The following HSPBAP1 variants were observed in gnomAD, a reference collection of about 807,000 sequenced individuals.
HSPBAP1 encodes HSPB1-associated protein 1.
HSPBAP1 carries 27 observed loss-of-function variants against 45.2 expected under a neutral mutation model. The observed-to-expected ratio is 0.60, with a 90% confidence interval of 0.44 to 0.82. HSPBAP1 has a LOEUF of 0.82. HSPBAP1 is among the 40% of genes least tolerant of loss of function. HSPBAP1 has a pLI of 0.00. For missense variants in HSPBAP1, 510 were observed against 590.9 expected, an observed-to-expected ratio of 0.86 and a Z score of 1.42; for synonymous variants, 204 against 202.7, an observed-to-expected ratio of 1.01 and a Z score of -0.06.
chr3:122,779,066 G>A (rs893682088), intron 1 of HSPBAP1, among the ~76,000 whole-genome samples: 9 of 149,848 alleles, frequency 6.0e-5, no homozygotes, highest in African/African-American at 2.0e-4. Context: ...ACAGAGTCTC[G>A]CTCTGTCGCT....
At chr3:122,759,801 C>G (rs758847371) in intron 3 of HSPBAP1, among the ~76,000 whole-genome samples, 2 of 152,192 alleles carry the variant, frequency 1.3e-5, no homozygotes, top group African/African-American at 2.4e-5. Context: ...CTCTGAGACA[C>G]AACCGAAGAA....
chr3:122,782,164 C>T (rs984007911), intron 1 of HSPBAP1, among the ~76,000 whole-genome samples: 2 of 152,182 alleles, frequency 1.3e-5, no homozygotes, highest in East Asian at 3.8e-4. Flanking sequence ...TCTTGAACAA[C>T]TAGAGTTGCT....
chr3:122,757,639 T>C (rs1039875090), intron 4 of HSPBAP1, among the ~76,000 whole-genome samples: 5 of 152,210 alleles, frequency 3.3e-5, no homozygotes, highest in African/African-American at 1.2e-4. Context: ...CCTCTGTACC[T>C]ACTGTAACAC....
chr3:122,788,096 T>C (rs1935710638), intron 1 of HSPBAP1, among the ~76,000 whole-genome samples: 1 of 152,148 alleles, frequency 6.6e-6, no homozygotes, highest in Admixed American at 6.5e-5. Flanking sequence ...ACACAGGAAG[T>C]TCAGGCTGGG....
chr3:122,753,046 C>T (rs75135311), intron 5 of HSPBAP1: 66,444 of 924,116 alleles, frequency 0.072, 2,491 homozygotes, highest in Middle Eastern at 0.087. Flanking sequence ...GACGTGGCTT[C>T]TGTTTTCTCA....
intron 1 of HSPBAP1, among the ~76,000 whole-genome samples, chr3:122,791,280 A>C (rs777331659): frequency 6.6e-6 from 1 of 152,204 alleles, no homozygotes; most frequent in Non-Finnish European, 1.5e-5. Context: ...CTACTGTCTT[A>C]ATGTCTAGAT....
intron 1 of HSPBAP1, among the ~76,000 whole-genome samples, chr3:122,778,338 T>C (rs1484574311): frequency 6.6e-6 from 1 of 151,426 alleles, no homozygotes; most frequent in Non-Finnish European, 1.5e-5. Context: ...ACACATTAAA[T>C]ACAATTTGGA....
chr3:122,780,394 C>A (rs1935393810), intron 1 of HSPBAP1, among the ~76,000 whole-genome samples: 2 of 127,978 alleles, frequency 1.6e-5, no homozygotes, highest in Non-Finnish European at 3.4e-5. Flanking sequence ...GACCCCCCAC[C>A]TCCCTCCTGG....
intron 1 of HSPBAP1, among the ~76,000 whole-genome samples, chr3:122,783,214 C>G (rs1935549162): frequency 6.6e-6 from 1 of 152,164 alleles, no homozygotes; most frequent in Non-Finnish European, 1.5e-5. Flanking sequence ...ACCAAGAATA[C>G]AATTTTCTGT....
intron 3 of HSPBAP1, among the ~76,000 whole-genome samples, chr3:122,762,627 C>T (rs1934636925): frequency 6.6e-6 from 1 of 152,118 alleles, no homozygotes; most frequent in African/African-American, 2.4e-5. Flanking sequence ...TACTATTTGA[C>T]TTATGGATTA....
At chr3:122,751,065 A>T (rs75188293) in intron 6 of HSPBAP1, among the ~76,000 whole-genome samples, 2,594 of 152,320 alleles carry the variant, frequency 0.017, 35 homozygotes, top group Non-Finnish European at 0.025. Flanking sequence ...GAGATTACTT[A>T]AAAAACTAAC....
At chr3:122,755,113 G>A in intron 5 of HSPBAP1, 147 bp downstream of exon 5, 2 of 1,219,172 alleles carry the variant, frequency 1.6e-6, no homozygotes, top group Non-Finnish European at 2.1e-6. Flanking sequence ...TACAACTGGG[G>A]AAGCTACCTT....
rs56210865 is a variant in HSPBAP1, at chr3:122,755,437, T to TAAAA, written c.570-10_570-7dup. On this transcript the variant is annotated splice_polypyrimidine_tract_variant and splice_region_variant and intron_variant, in intron 4 of 7. Coordinates refer to ENST00000306103, the MANE Select transcript of HSPBAP1 (RefSeq NM_024610.6). ...GAAAGAGATGCCATCGTTTCCTAATTAAAAAAAAAAAAAAAAGATACAAGT... is the reference window on the plus strand; with the variant it reads ...GAAAGAGATGCCATCGTTTCCTAATTAAAAAAAAAAAAAAAAAAAAGATACAAGT... 47,639 of 1,167,602 alleles carry TAAAA rather than the reference T, an allele frequency of 0.041. 678 individuals are homozygous for TAAAA. The highest frequency in any genetic ancestry group is 0.13 in the African/African-American group (7,426 of 57,614). The allele number at this position is 1,167,602 out of a possible 1,614,324, so 72.3% of individuals were successfully genotyped here. A position where few individuals can be genotyped will look rare whatever the true frequency, so the allele number is the denominator to read the frequency against.
At chr3:122,770,931 A>G (rs1229651006) in intron 2 of HSPBAP1, among the ~76,000 whole-genome samples, 1 of 152,352 alleles carries the variant, frequency 6.6e-6, no homozygotes, top group African/African-American at 2.4e-5. Flanking sequence ...ATTCAGTCCA[A>G]CTGAATACTA....
chr3:122,774,632 G>A (rs1335273444), intron 2 of HSPBAP1, among the ~76,000 whole-genome samples: 1 of 152,198 alleles, frequency 6.6e-6, no homozygotes, highest in African/African-American at 2.4e-5. Flanking sequence ...TCAGTATGAG[G>A]AATGGTGTGG....
At position 122,752,595 on chromosome 3, in the gene HSPBAP1, T is replaced by C; in HGVS notation, c.821A>G (p.Glu274Gly). ...AAAAAAACAACGAAAAAGTACCAGT[T>C]CAATCCATGAGTTTATACTGACAGT... ...PVTVSINSWI[E>G]LEEDHLARVE... Residue 274 changes from glutamate to glycine, a missense_variant, in exon 6 of 8, where the codon GAA becomes GGA. Glu to Gly is a moderately conservative substitution (Grantham distance 98, BLOSUM62 -2). Transcript: ENST00000306103. 1.3e-6 allele frequency: 2 copies of C among 1,557,606 alleles called. No homozygotes were observed. The highest frequency in any genetic ancestry group is 1.7e-6 in the Non-Finnish European group (2 of 1,150,830).
intron 3 of HSPBAP1, among the ~76,000 whole-genome samples, chr3:122,768,197 A>G (rs1348847431): frequency 6.6e-6 from 1 of 152,194 alleles, no homozygotes; most frequent in Admixed American, 6.5e-5. Context: ...CAGGGCTTCC[A>G]CTACCAAATA....
chr3:122,792,317 AAG>A (rs1222711107), intron 1 of HSPBAP1, among the ~76,000 whole-genome samples: 1 of 152,202 alleles, frequency 6.6e-6, no homozygotes, highest in African/African-American at 2.4e-5. Context: ...CATCCAGAGT[AAG>A]AGTTTTGTCA....
chr3:122,784,041 G>C (rs779061574), intron 1 of HSPBAP1, among the ~76,000 whole-genome samples: 1 of 152,052 alleles, frequency 6.6e-6, no homozygotes, highest in African/African-American at 2.4e-5. Flanking sequence ...ATGTTAGCCA[G>C]GATGGTCTCA....
Sources: gnomAD v4.1 joint callset for allele counts (sites outside exome capture counted in the v4.1 genomes callset) on GRCh38, gnomAD v4.1.1 for gene constraint, MANE v1.5 for transcripts, NCBI Gene and HGNC (gene_info 2026-07-23, HGNC 2026-07-21) for gene names.